Variants in OR51B5 observed in about 807,000 individuals in gnomAD.
The protein encoded by OR51B5 is olfactory receptor 51B5.
For missense variants in OR51B5, 456 were observed against 374.6 expected, an observed-to-expected ratio of 1.22 and a Z score of -1.79; for synonymous variants, 186 against 144.8, an observed-to-expected ratio of 1.28 and a Z score of -2.04.
chr11:5,382,261 A>G (rs1849619463), intron 1 of OR51B5, among the ~76,000 whole-genome samples: 1 of 152,096 alleles, frequency 6.6e-6, no homozygotes, highest in South Asian at 2.1e-4. Flanking sequence ...CCTCACCTCC[A>G]TGCCCTTGCT....
upstream of OR51B5, among the ~76,000 whole-genome samples, chr11:5,345,232 T>G (rs1030220324): frequency 2.0e-5 from 3 of 152,132 alleles, no homozygotes; most frequent in Non-Finnish European, 4.4e-5. Context: ...ATTTGTATTT[T>G]TAAATTACTC....
chr11:5,478,807 GA>G (rs1418288237), intron 1 of OR51B5, among the ~76,000 whole-genome samples: 3 of 150,650 alleles, frequency 2.0e-5, no homozygotes, highest in Admixed American at 2.0e-4. Context: ...GGGAAGTTTA[GA>G]GAAAAAAGAA....
chr11:5,376,595 A>T (rs1849532422), intron 1 of OR51B5, among the ~76,000 whole-genome samples: 1 of 152,196 alleles, frequency 6.6e-6, no homozygotes, highest in Non-Finnish European at 1.5e-5. Context: ...GAGAAGAATC[A>T]AATAGACACA....
At chr11:5,445,151 T>C (rs1044873884) in intron 1 of OR51B5, among the ~76,000 whole-genome samples, 1 of 152,174 alleles carries the variant, frequency 6.6e-6, no homozygotes, top group Non-Finnish European at 1.5e-5. Flanking sequence ...ACATTGATTA[T>C]ATAGACCAAT....
At chr11:5,440,889 T>G in intron 1 of OR51B5, 2 of 1,613,686 alleles carry the variant, frequency 1.2e-6, no homozygotes, top group Non-Finnish European at 1.7e-6. Flanking sequence ...GTCCATACCA[T>G]AGGTAAAAAT....
At chr11:5,443,760 G>C (rs1461175295) in intron 1 of OR51B5, among the ~76,000 whole-genome samples, 1 of 151,798 alleles carries the variant, frequency 6.6e-6, no homozygotes, top group Non-Finnish European at 1.5e-5. Context: ...TTTTTTCTTT[G>C]CTTTGTCCAC....
At chr11:5,440,430 T>C in intron 1 of OR51B5, 1 of 600,194 alleles carries the variant, frequency 1.7e-6, no homozygotes. Context: ...TGCCATTTTA[T>C]AGTCAAATAT....
chr11:5,487,365 T>C (rs1300878072), intron 1 of OR51B5, among the ~76,000 whole-genome samples: 3 of 152,174 alleles, frequency 2.0e-5, no homozygotes, highest in African/African-American at 4.8e-5. Flanking sequence ...TTTTGTGAAG[T>C]TAGGTCAGAT....
Position 5,437,622 on chromosome 11 carries a change from C to T in OR51B5, n.84+67947G>A, listed in dbSNP as rs141492775. Among the ~76,000 whole-genome samples the T allele has an allele frequency of 9.1e-4, 139 of 152,244 alleles. 2 individuals carry two copies. In the East Asian group the frequency reaches 0.026, roughly 29 times the overall value. On this transcript the variant is annotated intron_variant and non_coding_transcript_variant, in intron 1 of 4. Transcript: ENST00000415970. ...GATTAACATTCCTTTAGTTTTGAAC[C>T]TGATTTATAAAAAAGGATAGCACCT...
upstream of OR51B5, among the ~76,000 whole-genome samples, chr11:5,345,289 G>C (rs189087859): frequency 6.6e-6 from 1 of 152,252 alleles, no homozygotes; most frequent in African/African-American, 2.4e-5. Context: ...CAAGAAAAGA[G>C]ATGAGTTAGA....
Position 5,441,528 on chromosome 11 carries a change from A to G in OR51B5, n.84+64041T>C, listed in dbSNP as rs540758844. The G allele has an allele frequency of 2.6e-4, 417 of 1,600,190 alleles. No homozygotes were observed. The South Asian group carries it at 3.1e-3, about 12-fold the overall frequency. On this transcript the variant is annotated intron_variant and non_coding_transcript_variant, in intron 1 of 4. Transcript: ENST00000415970. ...GAGACCCAGCATGGTGGGAGAATAT[A>G]GATAGGGAATGGACCCAAGAGGGTG...
chr11:5,464,061 G>GA (rs1851096543), intron 1 of OR51B5, among the ~76,000 whole-genome samples: 1 of 152,114 alleles, frequency 6.6e-6, no homozygotes, highest in Non-Finnish European at 1.5e-5. Context: ...TTTTTATGAT[G>GA]GAAAACAGAC....
At chr11:5,424,235 C>T (rs1297574938) in intron 1 of OR51B5, among the ~76,000 whole-genome samples, 1 of 152,008 alleles carries the variant, frequency 6.6e-6, no homozygotes, top group Non-Finnish European at 1.5e-5. Flanking sequence ...TCCTTAGTTC[C>T]GCTAAAACTG....
chr11:5,435,762 T>C (rs1018406426), intron 1 of OR51B5, among the ~76,000 whole-genome samples: 2 of 152,210 alleles, frequency 1.3e-5, no homozygotes, highest in Admixed American at 6.5e-5. Context: ...CAGTGTAATA[T>C]GAATCAGCAG....
chr11:5,348,258 C>T (rs902355868), upstream of OR51B5, among the ~76,000 whole-genome samples: 1 of 152,210 alleles, frequency 6.6e-6, no homozygotes, highest in Admixed American at 6.5e-5. Flanking sequence ...TACGAACAAA[C>T]CAGAGCATGG....
chr11:5,499,101 G>C (rs1260701212), intron 1 of OR51B5, among the ~76,000 whole-genome samples: 1 of 152,288 alleles, frequency 6.6e-6, no homozygotes, highest in African/African-American at 2.4e-5. Context: ...CAAGTTGACA[G>C]GGAAATTAGG....
chr11:5,416,200 GA>G (rs1434159601), intron 1 of OR51B5, among the ~76,000 whole-genome samples: 1 of 144,484 alleles, frequency 6.9e-6, no homozygotes, highest in Non-Finnish European at 1.5e-5. Context: ...AATAGATGCA[GA>G]AAAGGCCTTT....
chr11:5,453,933 G>A, intron 1 of OR51B5: 1 of 1,614,176 alleles, frequency 6.2e-7, no homozygotes, highest in South Asian at 1.1e-5. Context: ...TTTAGGTGCA[G>A]CTGCTCGAAG....
intron 1 of OR51B5, among the ~76,000 whole-genome samples, chr11:5,413,903 C>G (rs931272915): frequency 6.7e-6 from 1 of 150,078 alleles, no homozygotes; most frequent in African/African-American, 2.4e-5. Flanking sequence ...GCAGGGCAGG[C>G]AAACATTCAG....
Sources: gnomAD v4.1 joint callset for allele counts (sites outside exome capture counted in the v4.1 genomes callset) on GRCh38, gnomAD v4.1.1 for gene constraint, MANE v1.5 for transcripts, NCBI Gene and HGNC (gene_info 2026-07-23, HGNC 2026-07-21) for gene names.